The following LY75 variants were observed in gnomAD, a reference collection of about 807,000 sequenced individuals.
LY75 encodes C-type lectin domain family 13 member B.
A neutral mutation model predicts 231.7 loss-of-function variants in LY75; 185 were observed. The ratio of observed to expected loss-of-function variants is 0.80; its 90% confidence interval spans 0.71 to 0.90. LY75 has a LOEUF of 0.90. Among genes scored for constraint, LY75 ranks in the 40% least tolerant of loss-of-function variants. The pLI is 0.00. For synonymous variants in LY75, 668 were observed against 689.0 expected, an observed-to-expected ratio of 0.97 and a Z score of 0.48; for missense variants, 1,947 against 2,050.2, an observed-to-expected ratio of 0.95 and a Z score of 0.97.
intron 31 of LY75, among the ~76,000 whole-genome samples, chr2:159,811,910 A>G (rs889052602): frequency 3.9e-5 from 6 of 152,330 alleles, no homozygotes; most frequent in Admixed American, 3.3e-4. Flanking sequence ...AAATTCATCT[A>G]TACAATCTAT....
intron 13 of LY75, among the ~76,000 whole-genome samples, chr2:159,870,920 T>C (rs894529205): frequency 6.6e-6 from 1 of 152,164 alleles, no homozygotes; most frequent in African/African-American, 2.4e-5. Flanking sequence ...TTTTTACTCT[T>C]TGATAATCTG....
In LY75 at chr2:159,881,112, T is replaced by A. The variant is rs772620181; in HGVS notation, c.1375A>T (p.Thr459Ser). 6.2e-7 allele frequency: 1 copy of A among 1,613,806 alleles called. No homozygotes were observed. The highest frequency in any genetic ancestry group is 8.5e-7 in the Non-Finnish European group (1 of 1,179,828). The part of the protein sequence containing the change: ...ENEPNVPYNK[T>S]PNCVSYLGEL... ...CCTAAGTAGGAAACACAGTTGGGCG[T>A]CTTATTGTAGGGAACATTTGGCTCA... The change falls in exon 8 of 35, where the codon ACG (threonine) becomes TCG (serine). Residue 459 changes from threonine to serine, a missense_variant. Physicochemically the swap from Thr to Ser is moderately conservative, Grantham distance 58. Coordinates refer to ENST00000263636, the MANE Select transcript of LY75 (RefSeq NM_002349.4).
intron 2 of LY75, among the ~76,000 whole-genome samples, chr2:159,896,082 A>C (rs1685902306): frequency 6.6e-6 from 1 of 152,254 alleles, no homozygotes; most frequent in Non-Finnish European, 1.5e-5. Context: ...GTAACATGAG[A>C]CAAAATAGTT....
chr2:159,858,512 T>G lies in LY75; in HGVS notation c.2269-36A>C, dbSNP rs369875527. The G allele has an allele frequency of 3.1e-6, 5 of 1,590,502 alleles. 1 individual carries two copies. The South Asian group carries it at 3.4e-5, about 11-fold the overall frequency. On this transcript the variant is annotated intron_variant, in intron 15 of 34. Coordinates refer to ENST00000263636, the MANE Select transcript of LY75 (RefSeq NM_002349.4). ...AAAAGTATTGCAGAATATTTTGAAG[T>G]TGATACATCCCTTATGGAACACTAA...
At chr2:159,810,492 T>G in intron 32 of LY75, 34 bp downstream of exon 32, 1 of 1,591,792 alleles carries the variant, frequency 6.3e-7, no homozygotes, top group South Asian at 1.2e-5. Context: ...TAAAAATTAT[T>G]GAGTCATAAG....
chr2:159,885,125 T>C lies in LY75; in HGVS notation c.1054+28A>G, dbSNP rs767933870. On this transcript the variant is annotated intron_variant, in intron 6 of 34. Coordinates refer to ENST00000263636, the MANE Select transcript of LY75 (RefSeq NM_002349.4). ...ACTATGATTTTAAGACCTATTTGTC[T>C]ATTTGTATGAGTATGTGAGAAAGAT... The C allele has an allele frequency of 6.9e-6, 11 of 1,596,810 alleles. No individual in the cohort carries two copies. In the South Asian group the frequency reaches 1.2e-4, roughly 18 times the overall value.
chr2:159,872,677 T>C (rs1685052467), intron 12 of LY75, 84 bp from the exon 13 acceptor site: 2 of 1,446,536 alleles, frequency 1.4e-6, no homozygotes, highest in Non-Finnish European at 1.9e-6. Flanking sequence ...GTCACATGTG[T>C]GGGCCCCTGA....
At chr2:159,848,438 A>G (rs1159479577) in intron 23 of LY75, among the ~76,000 whole-genome samples, 2 of 152,086 alleles carry the variant, frequency 1.3e-5, no homozygotes, top group African/African-American at 4.8e-5. Context: ...GGGATAAAAT[A>G]CTACAAATTG....
intron 23 of LY75, among the ~76,000 whole-genome samples, chr2:159,842,879 C>A (rs13423927): frequency 0.047 from 7,183 of 151,832 alleles, 522 homozygotes; most frequent in African/African-American, 0.16. Flanking sequence ...AGTATATTAT[C>A]CCTATCATTT....
In LY75 at chr2:159,860,898, A is replaced by T; in HGVS notation, c.2200-9T>A. ...ATGATAATAGTAGACACCTGAAAAG[A>T]CAAGAGAGGCTTGAGAATTTAAGAC... On this transcript the variant is annotated splice_polypyrimidine_tract_variant and intron_variant, in intron 14 of 34. Coordinates refer to ENST00000263636, the MANE Select transcript of LY75 (RefSeq NM_002349.4). The T allele has an allele frequency of 6.2e-7, 1 of 1,613,896 alleles. No individual in the cohort carries two copies. The highest frequency in any genetic ancestry group is 8.5e-7 in the Non-Finnish European group (1 of 1,179,826).
chr2:159,849,217 G>A (rs1264164099), intron 23 of LY75, among the ~76,000 whole-genome samples: 1 of 152,138 alleles, frequency 6.6e-6, no homozygotes, highest in Non-Finnish European at 1.5e-5. Context: ...GTTGATTACT[G>A]TCTAAGACAT....
chr2:159,834,098 T>C lies in LY75; in HGVS notation c.3787A>G (p.Asn1263Asp), dbSNP rs1683748015. Residue 1263 changes from asparagine to aspartate, a missense_variant, in exon 27 of 35, where the codon AAT becomes GAT. Physicochemically the swap from Asn to Asp is conservative, Grantham distance 23 (BLOSUM62 1). Transcript: ENST00000263636. ...TCCTGTGTTGTTGCCATATGCCTAT[T>C]CTTTGTTATTATGAAATTGTAGCAA... ...NCCYNFIITKNRHMATTQDEV... is the reference protein window; with the variant it reads ...NCCYNFIITKDRHMATTQDEV... The C allele has an allele frequency of 6.2e-7, 1 of 1,613,944 alleles. No individual in the cohort carries two copies. The highest frequency in any genetic ancestry group is 1.7e-5 in the Admixed American group (1 of 59,998).
rs1255735605 is a variant in LY75, at chr2:159,864,847, G to A, written c.2191C>T (p.Arg731Cys). 5.6e-6 allele frequency: 9 copies of A among 1,597,766 alleles called. No individual in the cohort carries two copies. Among genetic ancestry groups the A allele is most frequent in the African/African-American group, 1.3e-5 (1 of 74,316 alleles). Residue 731 changes from arginine (R) to cysteine (C), a missense_variant, in exon 14 of 35, where the codon CGT becomes TGT. Physicochemically the swap from Arg to Cys is radical, Grantham distance 180 (BLOSUM62 -3). Transcript: ENST00000263636. ...DLQGSWQWSD[R>C]TPVSTIIMPN... ...ATAACGTTTTAACTTACTGGTGTAC[G>A]ATCACTCCATTGCCAGGATCCTTGT...
In LY75 at chr2:159,872,463, G is replaced by A. The variant is rs114556868; in HGVS notation, c.2105C>T (p.Thr702Met). Residue 702 changes from threonine to methionine, a missense_variant, in exon 13 of 35, where the codon ACG becomes ATG. Thr to Met is a moderately conservative substitution (Grantham distance 81). Coordinates refer to ENST00000263636, the MANE Select transcript of LY75 (RefSeq NM_002349.4). Reference sequence around the variant, plus strand: ...CTTAAAGTATTACCTGAACTGGTCCGTTAAAAAGTGAAGAAATTCCTTTAT... The same window carrying A: ...CTTAAAGTATTACCTGAACTGGTCCATTAAAAAGTGAAGAAATTCCTTTAT... ...DEIKEFLHFL[T>M]DQFSGQHWLW... 3.5e-5 allele frequency: 56 copies of A among 1,613,614 alleles called. No homozygotes were observed. The Middle Eastern group carries it at 6.6e-4, about 19-fold the overall frequency.
intron 12 of LY75, 99 bp from the exon 13 acceptor site, chr2:159,872,692 A>C (rs900660161): frequency 4.4e-6 from 6 of 1,369,364 alleles, no homozygotes; most frequent in Non-Finnish European, 6.0e-6. Context: ...CCCTGAAATG[A>C]ATTCTTAAAG....
intron 24 of LY75, 70 bp downstream of exon 24, chr2:159,842,175 C>CAA: frequency 7.1e-7 from 1 of 1,407,238 alleles, no homozygotes; most frequent in African/African-American, 1.8e-5. Context: ...TAGAAAGTGA[C>CAA]TCTCTCTCTC....
At chr2:159,844,879 G>A (rs1369224214) in intron 23 of LY75, among the ~76,000 whole-genome samples, 1 of 151,492 alleles carries the variant, frequency 6.6e-6, no homozygotes, top group African/African-American at 2.4e-5. Flanking sequence ...GACCCAGGTA[G>A]TGAGCACAGT....
chr2:159,887,223 A>ACACACACACACG (rs1685616853), intron 4 of LY75, among the ~76,000 whole-genome samples: 1 of 150,022 alleles, frequency 6.7e-6, no homozygotes. Context: ...ACACACACAC[A>ACACACACACACG]CACACACACA....
intron 28 of LY75, among the ~76,000 whole-genome samples, chr2:159,827,983 CATT>C (rs1323695734): frequency 6.6e-6 from 1 of 151,890 alleles, no homozygotes; most frequent in Non-Finnish European, 1.5e-5. Flanking sequence ...GGAGGGATAA[CATT>C]AGGAGAAATA....
Sources: gnomAD v4.1 joint callset for allele counts (sites outside exome capture counted in the v4.1 genomes callset) on GRCh38, gnomAD v4.1.1 for gene constraint, MANE v1.5 for transcripts, NCBI Gene and HGNC (gene_info 2026-07-23, HGNC 2026-07-21) for gene names.